FXN: variants seen among roughly 807,000 people sequenced by gnomAD.
FXN encodes frataxin, mitochondrial.
Under a neutral mutation model 22.4 loss-of-function variants are expected in FXN, and 14 were observed. The observed-to-expected ratio is 0.62, with a 90% CI of 0.41 to 0.98. FXN has a LOEUF of 0.98. Among genes scored for constraint, FXN ranks in the 50% least tolerant of loss-of-function variants. The probability of loss-of-function intolerance (pLI) is 0.00; values close to 1 mark genes in which losing one functional copy is unlikely to be tolerated. For synonymous variants in FXN, 120 were observed against 114.1 expected, an observed-to-expected ratio of 1.05 and a Z score of -0.33; for missense variants, 267 against 268.4, an observed-to-expected ratio of 0.99 and a Z score of 0.04.
intron 3 of FXN, 87 bp from the exon 4 acceptor site, chr9:69,064,851 T>G: frequency 2.6e-6 from 2 of 781,352 alleles, no homozygotes; most frequent in Non-Finnish European, 4.6e-6. Flanking sequence ...TGGAAAGTGT[T>G]GAGATAAAAC....
chr9:69,036,071 C>T lies in FXN; in HGVS notation c.165+124C>T, dbSNP rs138695995. ...GTACGCGCGCTGGACTAGCTCACCCCGCTCCTTCTCAGGGCGGCCCGGCGG... is the reference window on the plus strand; with the variant it reads ...GTACGCGCGCTGGACTAGCTCACCCTGCTCCTTCTCAGGGCGGCCCGGCGG... On this transcript the variant is annotated intron_variant, in intron 1 of 4. Coordinates refer to ENST00000484259, the MANE Select transcript of FXN (RefSeq NM_000144.5). 1.5e-5 allele frequency: 13 copies of T among 859,292 alleles called. No homozygotes were observed. In the African/African-American group the frequency reaches 2.0e-4, roughly 13 times the overall value. The allele number at this position is 859,292 out of a possible 1,614,324, so 53.2% of individuals were successfully genotyped here. A position where few individuals can be genotyped will look rare whatever the true frequency, so the allele number is the denominator to read the frequency against.
intron 1 of FXN, among the ~76,000 whole-genome samples, chr9:69,039,439 G>T (rs1831616669): frequency 6.6e-6 from 1 of 152,198 alleles, no homozygotes; most frequent in Non-Finnish European, 1.5e-5. Context: ...TTGGTTCTCA[G>T]ATCTGGCTAC....
Position 69,078,227 on chromosome 9 carries a change from T to A in FXN, c.*5465T>A, listed in dbSNP as rs11145073. On this transcript the variant is annotated 3_prime_UTR_variant, in exon 5 of 5. Transcript: ENST00000484259. ...TGCCACTGTTGACAGAGATTATAAC[T>A]ACAATGTGAAGTGAATGGTGCCACT... 0.053 allele frequency: 51,935 copies of A among 983,878 alleles called. 1,650 individuals carry two copies. Among genetic ancestry groups the A allele is most frequent in the African/African-American group, 0.13 (7,634 of 57,284 alleles). 60.9% of individuals were successfully genotyped at this position (983,878 alleles called of 1,614,324 possible). A position where few individuals can be genotyped will look rare whatever the true frequency, so the allele number is the denominator to read the frequency against.
chr9:69,076,215 AT>A lies in FXN; in HGVS notation c.*3454del. 3.6e-6 allele frequency: 3 copies of A among 835,210 alleles called. No homozygotes were observed. The highest frequency in any genetic ancestry group is 4.0e-6 in the Non-Finnish European group (3 of 743,838). The allele number at this position is 835,210 out of a possible 1,614,324, so 51.7% of individuals were successfully genotyped here. A position where few individuals can be genotyped will look rare whatever the true frequency, so the allele number is the denominator to read the frequency against. On this transcript the variant is annotated 3_prime_UTR_variant, in exon 5 of 5. Coordinates refer to ENST00000484259, the MANE Select transcript of FXN (RefSeq NM_000144.5). Reference sequence around the variant, plus strand: ...GTTTGTAGACACTGACAGTGGCCTCATGTTTTTTTTTTTTTTAATCTATAAA... The same window carrying A: ...GTTTGTAGACACTGACAGTGGCCTCAGTTTTTTTTTTTTTTAATCTATAAA...
chr9:69,055,914 C>T (rs953576753), intron 3 of FXN, among the ~76,000 whole-genome samples: 5 of 146,292 alleles, frequency 3.4e-5, no homozygotes, highest in Admixed American at 6.8e-5. Context: ...GACAGGGCCT[C>T]GCTCTGTCAC....
chr9:69,047,790 T>C (rs571546328), intron 2 of FXN, among the ~76,000 whole-genome samples: 1 of 152,206 alleles, frequency 6.6e-6, no homozygotes, highest in Admixed American at 6.5e-5. Flanking sequence ...CGATCTCGGC[T>C]CACTGCAGCC....
At chr9:69,056,812 A>G (rs1044544365) in intron 3 of FXN, among the ~76,000 whole-genome samples, 3 of 137,912 alleles carry the variant, frequency 2.2e-5, no homozygotes, top group African/African-American at 7.5e-5. Context: ...GTGTGATCTC[A>G]GCTCATCGCA....
intron 4 of FXN, among the ~76,000 whole-genome samples, chr9:69,070,034 G>T (rs990454012): frequency 6.6e-5 from 10 of 152,232 alleles, no homozygotes; most frequent in African/African-American, 2.4e-4. Context: ...TTCCAGACCA[G>T]CCTGGGCAAC....
At chr9:69,045,017 C>G (rs1052018943) in intron 1 of FXN, among the ~76,000 whole-genome samples, 5 of 152,180 alleles carry the variant, frequency 3.3e-5, no homozygotes, top group African/African-American at 1.2e-4. Context: ...CTCCTGCTAA[C>G]CACCCTGTAA....
intron 3 of FXN, among the ~76,000 whole-genome samples, chr9:69,059,566 A>AT (rs34794915): frequency 6.7e-6 from 1 of 149,024 alleles, no homozygotes; most frequent in African/African-American, 2.5e-5. Flanking sequence ...TGTCCAGCTA[A>AT]TTTTTTTTTT....
chr9:69,068,448 A>G (rs1832214636), intron 4 of FXN, among the ~76,000 whole-genome samples: 1 of 151,654 alleles, frequency 6.6e-6, no homozygotes. Context: ...CAGGGTTCCG[A>G]GTGGTGATTT....
intron 3 of FXN, among the ~76,000 whole-genome samples, chr9:69,059,874 A>T (rs1832034664): frequency 1.3e-5 from 2 of 152,186 alleles, no homozygotes; most frequent in African/African-American, 4.8e-5. Context: ...TTATAAGAGG[A>T]TCAATTAAAA....
At chr9:69,064,725 A>T (rs73647065) in intron 3 of FXN, among the ~76,000 whole-genome samples, 1,798 of 152,278 alleles carry the variant, frequency 0.012, 40 homozygotes, top group African/African-American at 0.041. Context: ...ATGAGATACA[A>T]CATCATTATG....
intron 3 of FXN, 91 bp downstream of exon 3, chr9:69,053,351 T>C: frequency 6.9e-7 from 1 of 1,445,024 alleles, no homozygotes; most frequent in Non-Finnish European, 9.7e-7. Context: ...GAGCTAAGCA[T>C]CAAGTAGCAT....
intron 2 of FXN, 53 bp from the exon 3 acceptor site, chr9:69,053,087 A>G: frequency 1.9e-6 from 3 of 1,587,278 alleles, no homozygotes; most frequent in Non-Finnish European, 2.6e-6. Context: ...TTTGATATTA[A>G]TAAAATGGAA....
chr9:69,038,262 A>T (rs1006746683), intron 1 of FXN, among the ~76,000 whole-genome samples: 1 of 152,116 alleles, frequency 6.6e-6, no homozygotes, highest in African/African-American at 2.4e-5. Context: ...AATTATTTTA[A>T]AGCCCTGACT....
In FXN at chr9:69,053,471, A is replaced by ATG. The variant is rs1587822034; in HGVS notation, c.384+211_384+212insTG. On this transcript the variant is annotated intron_variant, in intron 3 of 4. Transcript: ENST00000484259. ...GGGTGACAGAGCGAGACTCTGTCAT[A>ATG]GATGGATGGATGGATGGATGGATGG... Among the ~76,000 whole-genome samples the ATG allele has an allele frequency of 8.4e-4, 118 of 140,362 alleles. 1 individual carries two copies. The highest frequency in any genetic ancestry group is 7.0e-3 in the Middle Eastern group (2 of 286). The allele number at this position is 140,362 out of a possible 152,430, so 92.1% of individuals were successfully genotyped here. A position where few individuals can be genotyped will look rare whatever the true frequency, so the allele number is the denominator to read the frequency against.
In FXN at chr9:69,077,219, C is replaced by G. The variant is rs1055829203; in HGVS notation, c.*4457C>G. On this transcript the variant is annotated 3_prime_UTR_variant, in exon 5 of 5. Coordinates refer to ENST00000484259, the MANE Select transcript of FXN (RefSeq NM_000144.5). ...GAGCCACTGCACCCAGCCAGAAATG[C>G]CTTCTAATCTTTGGTTTATCTTAAT... The G allele has an allele frequency of 8.1e-6, 8 of 985,204 alleles. No individual in the cohort carries two copies. The highest frequency in any genetic ancestry group is 9.6e-6 in the Non-Finnish European group (8 of 829,784). 61.0% of individuals were successfully genotyped at this position (985,204 alleles called of 1,614,324 possible).
At chr9:69,064,083 A>T (rs553194369) in intron 3 of FXN, among the ~76,000 whole-genome samples, 25 of 152,326 alleles carry the variant, frequency 1.6e-4, no homozygotes, top group Non-Finnish European at 2.6e-4. Context: ...GCCACCGTGT[A>T]TCTCTGCAAG....
Sources: allele counts gnomAD v4.1 joint callset (sites outside exome capture counted in the v4.1 genomes callset), GRCh38; gene constraint gnomAD v4.1.1; transcripts MANE v1.5; gene names NCBI Gene and HGNC (gene_info 2026-07-23, HGNC 2026-07-21).